Variants in TRIO observed in about 807,000 individuals in gnomAD.
TRIO encodes the protein trio Rho guanine nucleotide exchange factor.
A neutral mutation model predicts 351.9 loss-of-function variants in TRIO; 58 were observed. The ratio of observed to expected loss-of-function variants is 0.16; its 90% CI spans 0.13 to 0.21. The LOEUF (loss-of-function observed/expected upper bound fraction) is 0.21. Ranked by LOEUF, TRIO falls within the 10% of genes least tolerant of loss-of-function variation. TRIO has a pLI of 1.00. For missense variants in TRIO, 3,201 were observed against 4,027.8 expected (o/e 0.79, Z 5.56); for synonymous variants, 1,758 against 1,595.7 (o/e 1.10, Z -2.42).
At chr5:14,495,400 A>G (rs188093586) in intron 49 of TRIO, among the ~76,000 whole-genome samples, 43 of 152,336 alleles carry the variant, frequency 2.8e-4, no homozygotes, top group African/African-American at 9.4e-4. Context: ...GCAGGGTTTG[A>G]AAGGATTGAT....
At chr5:14,374,605 A>T (rs1415778794) in intron 19 of TRIO, among the ~76,000 whole-genome samples, 1 of 152,210 alleles carries the variant, frequency 6.6e-6, no homozygotes. Flanking sequence ...ATTCAGGATG[A>T]TATTTACTGA....
At chr5:14,330,280 C>T (rs1740786582) in intron 9 of TRIO, among the ~76,000 whole-genome samples, 1 of 152,064 alleles carries the variant, frequency 6.6e-6, no homozygotes, top group Admixed American at 6.6e-5. Flanking sequence ...AAGACTGAGG[C>T]ATGTAAGTGT....
chr5:14,326,301 A>C (rs1355129658), intron 9 of TRIO, among the ~76,000 whole-genome samples: 1 of 152,224 alleles, frequency 6.6e-6, no homozygotes, highest in Non-Finnish European at 1.5e-5. Flanking sequence ...TCAGTCTTGC[A>C]ATTAGGACCT....
At chr5:14,498,493 G>A (rs757465366) in intron 52 of TRIO, 26 bp from the exon 53 acceptor site, 12 of 1,607,378 alleles carry the variant, frequency 7.5e-6, no homozygotes, top group South Asian at 4.4e-5. Flanking sequence ...TTTCTGATGC[G>A]CAGTGTGTTC....
At chr5:14,475,244 A>G (rs1329428417) in intron 40 of TRIO, among the ~76,000 whole-genome samples, 1 of 152,100 alleles carries the variant, frequency 6.6e-6, no homozygotes, top group African/African-American at 2.4e-5. Context: ...TGCTCCGGTT[A>G]CCTGGCCGGG....
At chr5:14,328,373 G>C (rs937316498) in intron 9 of TRIO, among the ~76,000 whole-genome samples, 1 of 152,150 alleles carries the variant, frequency 6.6e-6, no homozygotes, top group Admixed American at 6.5e-5. Context: ...ACTCGTTAAA[G>C]TAATGTGCAC....
intron 1 of TRIO, among the ~76,000 whole-genome samples, chr5:14,159,565 A>AT (rs1259967235): frequency 1.2e-4 from 18 of 147,764 alleles, no homozygotes; most frequent in African/African-American, 4.2e-4. Context: ...TGAGCTTTAT[A>AT]TTTTTTTTCT....
chr5:14,353,420 G>A (rs572669526), intron 11 of TRIO, among the ~76,000 whole-genome samples: 22 of 151,890 alleles, frequency 1.4e-4, no homozygotes, highest in African/African-American at 4.6e-4. Context: ...GTGCCACCAC[G>A]CCCAGCTATT....
At chr5:14,468,784 T>C (rs2126538037) in intron 37 of TRIO, among the ~76,000 whole-genome samples, 1 of 152,354 alleles carries the variant, frequency 6.6e-6, no homozygotes, top group Non-Finnish European at 1.5e-5. Context: ...ACTCTGTATG[T>C]GTTTATTGGG....
intron 10 of TRIO, among the ~76,000 whole-genome samples, chr5:14,332,691 A>T (rs578066847): frequency 6.6e-6 from 1 of 152,256 alleles, no homozygotes; most frequent in Admixed American, 6.5e-5. Flanking sequence ...TCCTTATTAA[A>T]AATACTTCCA....
At chr5:14,330,727 A>G in intron 9 of TRIO, 51 bp from the exon 10 acceptor site, 2 of 1,595,380 alleles carry the variant, frequency 1.3e-6, no homozygotes, top group South Asian at 1.1e-5. Flanking sequence ...TTAAACATTG[A>G]ACATGGCAGG....
intron 34 of TRIO, among the ~76,000 whole-genome samples, chr5:14,426,460 G>C (rs1750649148): frequency 6.6e-6 from 1 of 152,168 alleles, no homozygotes; most frequent in Admixed American, 6.5e-5. Flanking sequence ...TCCACACAGA[G>C]GCTCCCATCA....
intron 34 of TRIO, among the ~76,000 whole-genome samples, chr5:14,459,982 C>A (rs1753649862): frequency 6.6e-6 from 1 of 151,942 alleles, no homozygotes; most frequent in Non-Finnish European, 1.5e-5. Context: ...ATGGCGTGAT[C>A]TTGGCCCACC....
At chr5:14,452,485 G>GC (rs1398601177) in intron 34 of TRIO, among the ~76,000 whole-genome samples, 2 of 152,254 alleles carry the variant, frequency 1.3e-5, no homozygotes, top group East Asian at 3.8e-4. Flanking sequence ...CCAGCAGGTG[G>GC]CAGGGGTGTT....
chr5:14,224,893 A>C (rs944921223), intron 1 of TRIO, among the ~76,000 whole-genome samples: 11 of 151,982 alleles, frequency 7.2e-5, no homozygotes, highest in African/African-American at 2.7e-4. Flanking sequence ...TTAAATACGC[A>C]ATAGGTGTTT....
chr5:14,224,955 TC>T (rs1792891693), intron 1 of TRIO, among the ~76,000 whole-genome samples: 1 of 152,154 alleles, frequency 6.6e-6, no homozygotes, highest in Admixed American at 6.5e-5. Flanking sequence ...ATACTTCACC[TC>T]CCTGAGCCTT....
At chr5:14,404,066 CTTGTGAGGGTGCAGG>C (rs1276598862) in intron 31 of TRIO, among the ~76,000 whole-genome samples, 10 of 51,946 alleles carry the variant, frequency 1.9e-4, no homozygotes, top group African/African-American at 1.3e-3. Flanking sequence ...GAGGGTGCAG[CTTGTGAGGGTGCAGG>C]TTGTGGTGGT....
At chr5:14,347,821 T>G (rs575883327) in intron 11 of TRIO, among the ~76,000 whole-genome samples, 1 of 152,312 alleles carries the variant, frequency 6.6e-6, no homozygotes, top group South Asian at 2.1e-4. Context: ...GTATCAAATC[T>G]AGACAAGGGC....
At chr5:14,261,539 T>G (rs532774077) in intron 1 of TRIO, among the ~76,000 whole-genome samples, 1 of 152,334 alleles carries the variant, frequency 6.6e-6, no homozygotes, top group East Asian at 1.9e-4. Flanking sequence ...GCTTGCTGCT[T>G]CCATCATGCT....
Sources: allele counts gnomAD v4.1 joint callset (sites outside exome capture counted in the v4.1 genomes callset), GRCh38; gene constraint gnomAD v4.1.1; transcripts MANE v1.5; gene names NCBI Gene and HGNC (gene_info 2026-07-23, HGNC 2026-07-21).